The following NRXN2 variants were observed in gnomAD, a reference collection of about 807,000 sequenced individuals.
The protein encoded by NRXN2 is neurexin-2-beta.
In NRXN2, 29 loss-of-function variants were observed where a neutral mutation model predicts 128.8. That is an observed-to-expected ratio of 0.23 (90% CI 0.17 to 0.31). The LOEUF is 0.31. Among genes scored for constraint, NRXN2 ranks in the 10% least tolerant of loss-of-function variants. The pLI, the probability that NRXN2 is intolerant of heterozygous loss-of-function variation, is 1.00. For missense variants in NRXN2, 1,881 were observed against 2,452.6 expected (o/e 0.77, Z 4.92); for synonymous variants, 1,098 against 1,075.2 (o/e 1.02, Z -0.41).
chr11:64,713,603 C>A lies in NRXN2; in HGVS notation c.97G>T (p.Gly33Cys), dbSNP rs1169656292. 1 of 1,326,832 alleles carries A rather than the reference C, an allele frequency of 7.5e-7. No individual in the cohort carries two copies. The allele number at this position is 1,326,832 out of a possible 1,614,324, so 82.2% of individuals were successfully genotyped here. A position where few individuals can be genotyped will look rare whatever the true frequency, so the allele number is the denominator to read the frequency against. The change falls in exon 2 of 23, where the codon GGC (glycine) becomes TGC (cysteine). Residue 33 changes from glycine (G) to cysteine (C), a missense_variant. Gly to Cys is a radical substitution (Grantham distance 159). Coordinates refer to ENST00000265459, the MANE Select transcript of NRXN2 (RefSeq NM_015080.4). The part of the protein sequence containing the change: ...AARADGLEFG[G>C]GPGQWARYAR... The stretch of plus-strand genomic sequence containing the variant: ...TAGCGAGCCCACTGCCCGGGGCCGC[C>A]GCCGAACTCCAGGCCGTCCGCGCGC...
chr11:64,619,051 T>C (rs1219943127), intron 22 of NRXN2, among the ~76,000 whole-genome samples: 2 of 152,094 alleles, frequency 1.3e-5, no homozygotes. Flanking sequence ...AGCCTGAATG[T>C]CTTTTCTGGA....
chr11:64,692,866 G>C lies in NRXN2; in HGVS notation c.759C>G (p.His253Gln), dbSNP rs2054007150. 1 of 1,613,324 alleles carries C rather than the reference G, an allele frequency of 6.2e-7. No individual in the cohort carries two copies. Among genetic ancestry groups the C allele is most frequent in the Non-Finnish European group, 8.5e-7 (1 of 1,179,810 alleles). ...CCATACCTTCGCTGTTTAACGTCAG[G>C]TGAGCCGGACCTTGGAAAGGGGAAG... ...EEEHPMEGPAHLTLNSEVGSL... is the reference protein window; with the variant it reads ...EEEHPMEGPAQLTLNSEVGSL... The change falls in exon 4 of 23, where the codon CAC becomes CAG. Residue 253 changes from histidine (H) to glutamine (Q), a missense_variant. By Grantham distance (24) the His-to-Gln change is conservative (BLOSUM62 0). Coordinates refer to ENST00000265459, the MANE Select transcript of NRXN2 (RefSeq NM_015080.4).
rs1330951469 is a variant in NRXN2, at chr11:64,623,208, G to A, written c.3848-130C>T. The A allele has an allele frequency of 5.0e-6, 7 of 1,389,776 alleles. No individual in the cohort carries two copies. The highest frequency in any genetic ancestry group is 2.9e-5 in the African/African-American group (2 of 69,030). The allele number at this position is 1,389,776 out of a possible 1,614,324, so 86.1% of individuals were successfully genotyped here. ...GGAGAAAGCCAGTAAGGGAGGAGGGGACGGGGAGAAATGAGGAAGGGGCAG... is the reference window on the plus strand; with the variant it reads ...GGAGAAAGCCAGTAAGGGAGGAGGGAACGGGGAGAAATGAGGAAGGGGCAG... On this transcript the variant is annotated intron_variant, in intron 20 of 22. Transcript: ENST00000265459. This position sits in a 1 kb window ranked among gnomAD's most constrained non-coding sequence, Gnocchi z 4.9.
chr11:64,636,046 G>C (rs944962568), intron 17 of NRXN2, among the ~76,000 whole-genome samples: 3 of 151,900 alleles, frequency 2.0e-5, no homozygotes, highest in Non-Finnish European at 2.9e-5. Flanking sequence ...GGGCTGCCTG[G>C]GTCCCAAAGC....
chr11:64,636,712 C>T (rs1261778134), intron 17 of NRXN2, among the ~76,000 whole-genome samples: 1 of 152,132 alleles, frequency 6.6e-6, no homozygotes, highest in Non-Finnish European at 1.5e-5. Flanking sequence ...GGTGGGAGAA[C>T]TCTGGAGTCA....
Position 64,713,679 on chromosome 11 carries a change from C to T in NRXN2, c.21G>A (p.Trp7Ter). ...ACAGCAGCGGCGGCGGTGTCGGCCG[C>T]CACCGGCTCCCGGACGCCATGCCTA... MASGSR[W>*]RPTPPPLLLL... Residue 7 changes from tryptophan to a stop codon, truncating the protein, a stop_gained, in exon 2 of 23, where the codon TGG becomes TGA. Coordinates refer to ENST00000265459, the MANE Select transcript of NRXN2 (RefSeq NM_015080.4). LOFTEE classifies it high-confidence loss of function. 8.7e-7 allele frequency: 1 copy of T among 1,147,046 alleles called. No individual in the cohort carries two copies. Among genetic ancestry groups the T allele is most frequent in the Non-Finnish European group, 1.1e-6 (1 of 936,470 alleles). 71.1% of individuals were successfully genotyped at this position (1,147,046 alleles called of 1,614,324 possible).
chr11:64,697,952 G>C (rs796393645), intron 2 of NRXN2, among the ~76,000 whole-genome samples, 160 bp from the exon 3 acceptor site: 32 of 152,340 alleles, frequency 2.1e-4, no homozygotes, highest in African/African-American at 7.2e-4. Flanking sequence ...CAAATCTCAA[G>C]AAACAGCTAT....
At chr11:64,678,644 C>T (rs1324200744) in intron 6 of NRXN2, among the ~76,000 whole-genome samples, 1 of 152,164 alleles carries the variant, frequency 6.6e-6, no homozygotes, top group Non-Finnish European at 1.5e-5. Flanking sequence ...CTTCTCATTG[C>T]CACAGACAGC....
At chr11:64,652,234 C>T (rs2047568102) in intron 12 of NRXN2, 80 bp from the exon 13 acceptor site, 1 of 1,523,812 alleles carries the variant, frequency 6.6e-7, no homozygotes, top group South Asian at 1.2e-5. Context: ...GATACACAGA[C>T]AGCCTCCCCA....
intron 2 of NRXN2, among the ~76,000 whole-genome samples, chr11:64,710,566 C>T (rs1312844535): frequency 2.0e-5 from 3 of 152,110 alleles, no homozygotes; most frequent in East Asian, 1.9e-4. Context: ...GGCCAGGGAC[C>T]GGTTACCCTA....
At position 64,635,588 on chromosome 11, in the gene NRXN2, A is replaced by G; in HGVS notation, c.3404-136T>C. The G allele has an allele frequency of 1.0e-6, 1 of 983,922 alleles. No homozygotes were observed. The highest frequency in any genetic ancestry group is 2.6e-5 in the East Asian group (1 of 38,368). 60.9% of individuals were successfully genotyped at this position (983,922 alleles called of 1,614,324 possible). A position where few individuals can be genotyped will look rare whatever the true frequency, so the allele number is the denominator to read the frequency against. ...TTCAGCTGTGATACCCACAGCAGCCACCAGCCCTGCCACCCCAGGGAGAAG... is the reference window on the plus strand; with the variant it reads ...TTCAGCTGTGATACCCACAGCAGCCGCCAGCCCTGCCACCCCAGGGAGAAG... On this transcript the variant is annotated intron_variant, in intron 17 of 22. Coordinates refer to ENST00000265459, the MANE Select transcript of NRXN2 (RefSeq NM_015080.4). This position sits in a 1 kb window ranked among gnomAD's most constrained non-coding sequence, Gnocchi z 4.8.
chr11:64,711,887 AAC>A (rs1172357772), intron 2 of NRXN2, among the ~76,000 whole-genome samples: 2 of 152,072 alleles, frequency 1.3e-5, no homozygotes, highest in Non-Finnish European at 2.9e-5. Flanking sequence ...GTGAAAAAGA[AAC>A]ACTCGCTTCC....
At chr11:64,700,161 G>C (rs902784300) in intron 2 of NRXN2, among the ~76,000 whole-genome samples, 2 of 151,956 alleles carry the variant, frequency 1.3e-5, no homozygotes, top group Non-Finnish European at 2.9e-5. Context: ...ACTTCTCCTC[G>C]CTCTCCTCAG....
At chr11:64,684,483 T>C (rs865936087) in intron 6 of NRXN2, among the ~76,000 whole-genome samples, 1 of 152,098 alleles carries the variant, frequency 6.6e-6, no homozygotes, top group South Asian at 2.1e-4. Context: ...CAACAGGTAG[T>C]GGCAGGCCTG....
intron 6 of NRXN2, among the ~76,000 whole-genome samples, chr11:64,678,627 A>G (rs995512594): frequency 2.6e-5 from 4 of 152,106 alleles, no homozygotes; most frequent in African/African-American, 9.7e-5. Context: ...TTCTAAGTTC[A>G]TTTTCTCTTC....
In NRXN2 at chr11:64,607,814, G is replaced by A. The variant is rs369377520; in HGVS notation, c.4521C>T (p.Pro1507=). ...SGEVFDSSLP[P]TDDEDFYTTF... The stretch of plus-strand genomic sequence containing the variant: ...TGGTGTAAAAGTCCTCGTCGTCCGT[G>A]GGGGGGAGGCTGGAGTCAAAGACCT... Residue 1507 remains proline (P), a synonymous_variant, in exon 23 of 23, where the codon CCC becomes CCT. Coordinates refer to ENST00000265459, the MANE Select transcript of NRXN2 (RefSeq NM_015080.4). 1.0e-5 allele frequency: 16 copies of A among 1,600,652 alleles called. No individual in the cohort carries two copies. In the South Asian group the frequency reaches 1.0e-4, roughly 10 times the overall value.
At chr11:64,722,495 C>A (rs1159663508) in intron 1 of NRXN2, among the ~76,000 whole-genome samples, 1 of 151,858 alleles carries the variant, frequency 6.6e-6, no homozygotes, top group Non-Finnish European at 1.5e-5. Context: ...AAGCCCTTGG[C>A]CTGGCCCCTT....
Position 64,644,195 on chromosome 11 carries a change from C to T in NRXN2, c.3403+4024G>A, listed in dbSNP as rs1421383227. On this transcript the variant is annotated intron_variant, in intron 17 of 22. Coordinates refer to ENST00000265459, the MANE Select transcript of NRXN2 (RefSeq NM_015080.4). Reference sequence around the variant, plus strand: ...TGAATGGCCAACATACACACAGACACCCCTGCTCCCCAAGCTCACCCTCCA... The same window carrying T: ...TGAATGGCCAACATACACACAGACATCCCTGCTCCCCAAGCTCACCCTCCA... Among the ~76,000 whole-genome samples the T allele has an allele frequency of 2.0e-5, 3 of 152,254 alleles. No homozygotes were observed. In the East Asian group the frequency reaches 5.8e-4, roughly 29 times the overall value.
intron 2 of NRXN2, among the ~76,000 whole-genome samples, chr11:64,701,564 C>A (rs1342292545): frequency 2.0e-5 from 3 of 152,018 alleles, no homozygotes; most frequent in Non-Finnish European, 4.4e-5. Flanking sequence ...CATAGGGAGA[C>A]CCGTCTCTAC....
Sources: allele counts gnomAD v4.1 joint callset (sites outside exome capture counted in the v4.1 genomes callset), GRCh38; gene constraint gnomAD v4.1.1; non-coding constraint Gnocchi (gnomAD v3.1); transcripts MANE v1.5; gene names NCBI Gene and HGNC (gene_info 2026-07-23, HGNC 2026-07-21).